Variants in C9 observed in about 807,000 individuals in gnomAD.
C9 encodes complement component C9.
A neutral mutation model predicts 65.4 loss-of-function variants in C9; 63 were observed. The observed-to-expected ratio is 0.96, with a 90% CI of 0.79 to 1.19. The LOEUF (loss-of-function observed/expected upper bound fraction) is 1.19, where lower values mean the gene tolerates loss of function less well. Among genes scored for constraint, C9 ranks in the 50% most tolerant of loss-of-function variants. C9 has a pLI of 0.00. For synonymous variants in C9, 229 were observed against 227.9 expected (o/e 1.00, Z -0.04); for missense variants, 744 against 670.1 (o/e 1.11, Z -1.22).
intron 10 of C9, 132 bp downstream of exon 10, chr5:39,288,591 T>A (rs1369797270): frequency 3.1e-6 from 2 of 640,652 alleles, no homozygotes; most frequent in Admixed American, 5.0e-5. Flanking sequence ...CACTATTCAC[T>A]CAATCTTTAT....
chr5:39,287,941 G>T (rs908679256), intron 10 of C9, among the ~76,000 whole-genome samples: 1 of 151,748 alleles, frequency 6.6e-6, no homozygotes, highest in African/African-American at 2.4e-5. Context: ...ATATATCCTT[G>T]TAACAAACCT....
chr5:39,329,903 T>A (rs538992176), intron 5 of C9, among the ~76,000 whole-genome samples: 21 of 152,324 alleles, frequency 1.4e-4, no homozygotes, highest in African/African-American at 4.8e-4. Flanking sequence ...AAGTTTGTGT[T>A]CTTTTATGTA....
chr5:39,321,510 GC>G (rs1753667020), intron 5 of C9, among the ~76,000 whole-genome samples: 1 of 151,118 alleles, frequency 6.6e-6, no homozygotes, highest in African/African-American at 2.5e-5. Flanking sequence ...GAAAGAAATA[GC>G]CAGAAAGAAC....
At chr5:39,321,849 A>G (rs1159100150) in intron 5 of C9, among the ~76,000 whole-genome samples, 1 of 152,098 alleles carries the variant, frequency 6.6e-6, no homozygotes, top group Non-Finnish European at 1.5e-5. Context: ...ACCTAAATGT[A>G]TAAAGTAAAT....
intron 4 of C9, among the ~76,000 whole-genome samples, chr5:39,333,958 G>A (rs922544607): frequency 2.0e-5 from 3 of 152,114 alleles, no homozygotes; most frequent in Non-Finnish European, 4.4e-5. Flanking sequence ...ATCTCGGCTC[G>A]CTGCAGCCTC....
At chr5:39,333,202 C>T (rs1057168988) in intron 4 of C9, among the ~76,000 whole-genome samples, 9 of 151,868 alleles carry the variant, frequency 5.9e-5, no homozygotes, top group Admixed American at 2.0e-4. Flanking sequence ...AAATTTTGTC[C>T]CAATCCTTTA....
rs140776337 is a variant in C9 at position 39,342,080 on chromosome 5, T to G, written c.183+11A>C. ...TGGGGAGGTCAGTGGGGAAGGGAGA[T>G]GAACACTTACCATTTGTCTGAGACA... On this transcript the variant is annotated intron_variant, in intron 2 of 10. Coordinates refer to ENST00000263408, the MANE Select transcript of C9 (RefSeq NM_001737.5). 16 of 1,450,028 alleles carry G rather than the reference T, an allele frequency of 1.1e-5. No individual in the cohort carries two copies. Among genetic ancestry groups the G allele is most frequent in the Admixed American group, 5.0e-5 (3 of 59,788 alleles). The allele number at this position is 1,450,028 out of a possible 1,614,324, so 89.8% of individuals were successfully genotyped here.
intron 9 of C9, among the ~76,000 whole-genome samples, chr5:39,292,309 T>C (rs1753109945): frequency 6.6e-6 from 1 of 151,366 alleles, no homozygotes; most frequent in African/African-American, 2.4e-5. Flanking sequence ...GACAAAGGGG[T>C]AATATCTTTA....
intron 9 of C9, among the ~76,000 whole-genome samples, chr5:39,299,547 T>C (rs1172434958): frequency 6.6e-6 from 1 of 152,114 alleles, no homozygotes; most frequent in Non-Finnish European, 1.5e-5. Flanking sequence ...AGAATGTCGA[T>C]GTGTGAATGT....
At chr5:39,306,003 A>G (rs889270383) in intron 9 of C9, among the ~76,000 whole-genome samples, 5 of 152,160 alleles carry the variant, frequency 3.3e-5, no homozygotes, top group African/African-American at 1.2e-4. Flanking sequence ...TCTACTAAAA[A>G]TACAAGAAAA....
At chr5:39,359,102 G>GTGTGTGTGTGTGTGTA (rs1407613505) in intron 1 of C9, among the ~76,000 whole-genome samples, 4 of 103,664 alleles carry the variant, frequency 3.9e-5, no homozygotes. Context: ...GTGTGTGTGT[G>GTGTGTGTGTGTGTGTA]TATATATATA....
chr5:39,318,741 A>G (rs1753616858), intron 5 of C9, among the ~76,000 whole-genome samples: 1 of 152,140 alleles, frequency 6.6e-6, no homozygotes, highest in Admixed American at 6.5e-5. Context: ...GTTGTTCTGC[A>G]TGAGAAACCT....
chr5:39,325,966 T>G (rs571019988), intron 5 of C9, among the ~76,000 whole-genome samples: 1 of 152,252 alleles, frequency 6.6e-6, no homozygotes, highest in East Asian at 1.9e-4. Context: ...TAGAACCCAC[T>G]CCTTCTTTGG....
intron 10 of C9, among the ~76,000 whole-genome samples, chr5:39,286,705 T>A (rs900519048): frequency 2.9e-5 from 4 of 139,142 alleles, no homozygotes; most frequent in African/African-American, 9.9e-5. Flanking sequence ...TAGTATACAT[T>A]TTTGGAGAGT....
rs548016472 is a variant in C9 at position 39,359,560 on chromosome 5, T to G, written c.77+4828A>C. Among the ~76,000 whole-genome samples the G allele has an allele frequency of 4.6e-5, 7 of 152,296 alleles. No homozygotes were observed. In the South Asian group the frequency reaches 8.3e-4, roughly 18 times the overall value. ...GAGTAAAGTGGAGAAATGTGCCATT[T>G]TTTTTTAAGTTAAAATATGTTTGTA... On this transcript the variant is annotated intron_variant, in intron 1 of 10. Coordinates refer to ENST00000263408, the MANE Select transcript of C9 (RefSeq NM_001737.5).
intron 1 of C9, among the ~76,000 whole-genome samples, chr5:39,343,919 G>C (rs1754139652): frequency 6.6e-6 from 1 of 152,196 alleles, no homozygotes; most frequent in African/African-American, 2.4e-5. Context: ...ACACGGTCTG[G>C]AGTGGACCTC....
chr5:39,290,963 T>C (rs1434620652), intron 9 of C9, among the ~76,000 whole-genome samples: 1 of 151,916 alleles, frequency 6.6e-6, no homozygotes, highest in Non-Finnish European at 1.5e-5. Flanking sequence ...TTTTCAAATA[T>C]AAATATATAT....
rs1442504233 is a variant in C9, at chr5:39,315,726, G to A, written c.870+49C>T. ...TTTGCTCAAAATACTTAAAGAGTCT[G>A]GGTAGTTTGGAACCTTTCTATATTC... On this transcript the variant is annotated intron_variant, in intron 6 of 10. Coordinates refer to ENST00000263408, the MANE Select transcript of C9 (RefSeq NM_001737.5). 7 of 1,359,896 alleles carry A rather than the reference G, an allele frequency of 5.1e-6. No homozygotes were observed. The East Asian group carries it at 1.6e-4, about 31-fold the overall frequency. 84.2% of individuals were successfully genotyped at this position (1,359,896 alleles called of 1,614,324 possible). A position where few individuals can be genotyped will look rare whatever the true frequency, so the allele number is the denominator to read the frequency against.
intron 5 of C9, among the ~76,000 whole-genome samples, chr5:39,323,463 A>G (rs909344484): frequency 2.0e-5 from 3 of 150,994 alleles, no homozygotes; most frequent in Non-Finnish European, 4.4e-5. Flanking sequence ...TAAAATGATC[A>G]TACACAATGA....
Sources: gnomAD v4.1 joint callset for allele counts (sites outside exome capture counted in the v4.1 genomes callset) on GRCh38, gnomAD v4.1.1 for gene constraint, MANE v1.5 for transcripts, NCBI Gene and HGNC (gene_info 2026-07-23, HGNC 2026-07-21) for gene names.